MTURN: variants seen among roughly 807,000 people sequenced by gnomAD.
MTURN encodes the protein maturin, neural progenitor differentiation regulator homolog.
In MTURN, 7 loss-of-function variants were observed where a neutral mutation model predicts 14.9. The observed-to-expected ratio is 0.47, with a 90% CI of 0.27 to 0.88. The LOEUF (loss-of-function observed/expected upper bound fraction) is 0.88, where lower values mean the gene tolerates loss of function less well. Among genes scored for constraint, MTURN ranks in the 40% least tolerant of loss-of-function variants. MTURN has a pLI of 0.14. For missense variants in MTURN, 151 were observed against 174.1 expected (o/e 0.87, Z 0.75); for synonymous variants, 69 against 72.5 (o/e 0.95, Z 0.25).
At chr7:30,156,790 A>G (rs928669310) in intron 2 of MTURN, among the ~76,000 whole-genome samples, 2 of 151,322 alleles carry the variant, frequency 1.3e-5, no homozygotes, top group African/African-American at 4.9e-5. Context: ...GCGCCACTGC[A>G]CTCCAACCTG....
chr7:30,137,397 C>A, intron 1 of MTURN: 1 of 327,250 alleles, frequency 3.1e-6, no homozygotes. Context: ...GTTCTCTTGC[C>A]ATGAATATGT....
chr7:30,144,846 A>G (rs1484282355), intron 1 of MTURN, among the ~76,000 whole-genome samples: 1 of 151,664 alleles, frequency 6.6e-6, no homozygotes, highest in African/African-American at 2.4e-5. Flanking sequence ...CCATGTCTCC[A>G]CATAAGTCTT....
At chr7:30,143,218 T>C (rs1425179572) in intron 1 of MTURN, among the ~76,000 whole-genome samples, 1 of 152,162 alleles carries the variant, frequency 6.6e-6, no homozygotes, top group African/African-American at 2.4e-5. Flanking sequence ...AGATTGATAG[T>C]GCCTCTTTCT....
chr7:30,155,413 C>G (rs1797272104), intron 2 of MTURN, among the ~76,000 whole-genome samples: 1 of 152,216 alleles, frequency 6.6e-6, no homozygotes, highest in South Asian at 2.1e-4. Flanking sequence ...AAAAATTGAC[C>G]ACCAAGTGTA....
chr7:30,157,411 T>C, intron 2 of MTURN, 27 bp from the exon 3 acceptor site: 1 of 1,540,312 alleles, frequency 6.5e-7, no homozygotes, highest in Non-Finnish European at 8.7e-7. Flanking sequence ...CGCTCACAGC[T>C]GCTTTTCTCT....
intron 1 of MTURN, chr7:30,145,915 C>T: frequency 6.4e-7 from 1 of 1,551,758 alleles, no homozygotes; most frequent in Non-Finnish European, 8.7e-7. Flanking sequence ...CCACTGCCCT[C>T]TTTACTGTGT....
chr7:30,155,295 T>A (rs549937182), intron 2 of MTURN, among the ~76,000 whole-genome samples: 1 of 152,332 alleles, frequency 6.6e-6, no homozygotes, highest in East Asian at 1.9e-4. Context: ...TTAGGTAATT[T>A]TGGAGTTCCT....
At chr7:30,144,928 CTTT>C (rs11411711) in intron 1 of MTURN, among the ~76,000 whole-genome samples, 2 of 73,974 alleles carry the variant, frequency 2.7e-5, no homozygotes, top group Admixed American at 1.9e-4. Flanking sequence ...GACCTCAATA[CTTT>C]TTTTTTTTTT....
chr7:30,142,775 A>G (rs916878967), intron 1 of MTURN, among the ~76,000 whole-genome samples: 1 of 152,116 alleles, frequency 6.6e-6, no homozygotes, highest in African/African-American at 2.4e-5. Flanking sequence ...CCTTTAGTCC[A>G]AGGGAGTCCT....
chr7:30,145,710 A>G (rs1797118516), intron 1 of MTURN: 4 of 995,352 alleles, frequency 4.0e-6, no homozygotes. Flanking sequence ...GCCTACTCAC[A>G]GGCCGATCTG....
intron 2 of MTURN, among the ~76,000 whole-genome samples, chr7:30,151,620 A>AAGG (rs1422231083): frequency 6.6e-6 from 1 of 152,210 alleles, no homozygotes; most frequent in Non-Finnish European, 1.5e-5. Context: ...TGGGCTTAAC[A>AAGG]AGGAACTATT....
At position 30,150,376 on chromosome 7, in the gene MTURN, T is replaced by C. The variant is rs79694357; in HGVS notation, c.285+4077T>C. Among the ~76,000 whole-genome samples the C allele has an allele frequency of 9.9e-5, 15 of 152,224 alleles. No homozygotes were observed. The East Asian group carries it at 2.5e-3, about 26-fold the overall frequency. On this transcript the variant is annotated intron_variant, in intron 2 of 2. Transcript: ENST00000324453. ...GGCATTAGAAGGGTAAGTCAAAAGT[T>C]TATCAACATTGGTTTTGGTAAAATT...
At chr7:30,145,333 A>G (rs1797113780) in intron 1 of MTURN, among the ~76,000 whole-genome samples, 1 of 152,134 alleles carries the variant, frequency 6.6e-6, no homozygotes, top group African/African-American at 2.4e-5. Context: ...TCTCTACCAA[A>G]AATACAAAGA....
At position 30,135,244 on chromosome 7, in the gene MTURN, C is replaced by A. The variant is rs1796926650; in HGVS notation, c.108C>A (p.Asp36Glu). The A allele has an allele frequency of 6.6e-7, 1 of 1,519,470 alleles. No individual in the cohort carries two copies. Among genetic ancestry groups the A allele is most frequent in the African/African-American group, 1.4e-5 (1 of 69,296 alleles). 94.1% of individuals were successfully genotyped at this position (1,519,470 alleles called of 1,614,324 possible). The change falls in exon 1 of 3, where the codon GAC becomes GAA. Residue 36 changes from aspartate to glutamate, a missense_variant. Physicochemically the swap from Asp to Glu is conservative, Grantham distance 45. Coordinates refer to ENST00000324453, the MANE Select transcript of MTURN (RefSeq NM_152793.3). The stretch of plus-strand genomic sequence containing the variant: ...AACGCAGGATGGATTTCTACGCCGA[C>A]CCCGGCGTCTCCTTCTATGTGCTGT... Reference protein sequence around the residue: ...ETERRMDFYADPGVSFYVLCP... With the variant: ...ETERRMDFYAEPGVSFYVLCP...
At position 30,157,573 on chromosome 7, in the gene MTURN, G is replaced by A. The variant is rs1583512764; in HGVS notation, c.*25G>A. ...AATCTGGGGGCTCCCCTGAGAAGGA[G>A]AGTGAGCCCCACAGTAACCTAGGTG... On this transcript the variant is annotated 3_prime_UTR_variant, in exon 3 of 3. Coordinates refer to ENST00000324453, the MANE Select transcript of MTURN (RefSeq NM_152793.3). 6.4e-7 allele frequency: 1 copy of A among 1,563,052 alleles called. No homozygotes were observed. Among genetic ancestry groups the A allele is most frequent in the East Asian group, 2.4e-5 (1 of 42,228 alleles).
At chr7:30,148,766 T>TGCGG (rs1489668778) in intron 2 of MTURN, among the ~76,000 whole-genome samples, 1 of 97,092 alleles carries the variant, frequency 1.0e-5, no homozygotes, top group African/African-American at 3.8e-5. Flanking sequence ...TGGGGAAGGC[T>TGCGG]GCGGGGGCGG....
At chr7:30,156,527 A>G (rs938792106) in intron 2 of MTURN, among the ~76,000 whole-genome samples, 1 of 151,528 alleles carries the variant, frequency 6.6e-6, no homozygotes, top group Non-Finnish European at 1.5e-5. Flanking sequence ...ACATACACAC[A>G]TATATAAAGA....
chr7:30,148,140 G>A (rs548111998), intron 2 of MTURN, among the ~76,000 whole-genome samples: 3 of 152,370 alleles, frequency 2.0e-5, no homozygotes, highest in East Asian at 3.8e-4. Flanking sequence ...GGGGTAAAAA[G>A]TGTCAGGGGT....
intron 1 of MTURN, among the ~76,000 whole-genome samples, chr7:30,138,443 A>G (rs1797000082): frequency 6.6e-6 from 1 of 152,148 alleles, no homozygotes; most frequent in Admixed American, 6.5e-5. Context: ...CATCTGTAAA[A>G]TCGGGATGAT....
Sources: gnomAD v4.1 joint callset for allele counts (sites outside exome capture counted in the v4.1 genomes callset) on GRCh38, gnomAD v4.1.1 for gene constraint, MANE v1.5 for transcripts, NCBI Gene and HGNC (gene_info 2026-07-23, HGNC 2026-07-21) for gene names.